Variants in TFDP2 observed in about 807,000 individuals in gnomAD.
TFDP2 encodes transcription factor Dp-2 (E2F dimerization partner 2).
In TFDP2, 17 loss-of-function variants were observed where a neutral mutation model predicts 59.3. That is an observed-to-expected ratio of 0.29 (90% CI 0.20 to 0.43). TFDP2 has a LOEUF of 0.43. Among genes scored for constraint, TFDP2 ranks in the 20% least tolerant of loss-of-function variants. TFDP2 has a pLI of 1.00. For synonymous variants in TFDP2, 180 were observed against 194.7 expected (o/e 0.92, Z 0.63); for missense variants, 391 against 528.8 (o/e 0.74, Z 2.56).
chr3:141,982,217 G>T (rs189095657), intron 6 of TFDP2, among the ~76,000 whole-genome samples: 37 of 151,760 alleles, frequency 2.4e-4, no homozygotes, highest in African/African-American at 8.7e-4. Context: ...TGGATATATT[G>T]GACTAAATTA....
In TFDP2 at chr3:142,030,843, C is replaced by T. The variant is rs371049928; in HGVS notation, c.83-25299G>A. ...CTGCAAGCTCCGCCTCCCGGGTTCA[C>T]GCCATTCTCCTGCCTCAGCCTCCCA... On this transcript the variant is annotated intron_variant, in intron 3 of 12. Coordinates refer to ENST00000489671, the MANE Select transcript of TFDP2 (RefSeq NM_001178139.2). 3.4e-5 allele frequency among the ~76,000 whole-genome samples: 5 copies of T among 148,096 alleles called. No individual in the cohort carries two copies. In the East Asian group the frequency reaches 8.1e-4, roughly 24 times the overall value.
At chr3:142,074,845 T>C (rs1354439263) in intron 3 of TFDP2, among the ~76,000 whole-genome samples, 1 of 152,000 alleles carries the variant, frequency 6.6e-6, no homozygotes, top group East Asian at 1.9e-4. Context: ...GAGTGAGACT[T>C]TGTCTCAAAA....
chr3:142,007,364 T>C (rs1944301890), intron 3 of TFDP2, among the ~76,000 whole-genome samples: 1 of 152,158 alleles, frequency 6.6e-6, no homozygotes, highest in East Asian at 1.9e-4. Flanking sequence ...ATCCACCCAG[T>C]GATCTAATCT....
Position 141,984,239 on chromosome 3 carries a change from C to T in TFDP2, c.357-5557G>A, listed in dbSNP as rs146374340. 3.0e-3 allele frequency among the ~76,000 whole-genome samples: 463 copies of T among 152,274 alleles called. 1 individual carries two copies. The highest frequency in any genetic ancestry group is 0.011 in the African/African-American group (440 of 41,564). ...ATATTGGGTTGGGTGTGGTGGCTCA[C>T]ACCTGTAATCCCAGCACTTTGGGAG... On this transcript the variant is annotated intron_variant, in intron 6 of 12. Coordinates refer to ENST00000489671, the MANE Select transcript of TFDP2 (RefSeq NM_001178139.2).
intron 1 of TFDP2, among the ~76,000 whole-genome samples, chr3:142,115,826 G>A (rs1435332811): frequency 6.6e-6 from 1 of 152,040 alleles, no homozygotes; most frequent in Non-Finnish European, 1.5e-5. Context: ...TGATTGTGGT[G>A]GTGGCTATAC....
At chr3:141,993,638 AT>A in intron 5 of TFDP2, 53 bp from the exon 6 acceptor site, 2 of 1,064,134 alleles carry the variant, frequency 1.9e-6, no homozygotes, top group Non-Finnish European at 2.8e-6. Flanking sequence ...ATACAATTTA[AT>A]TTCATTAATA....
chr3:141,971,070 A>C (rs994197498), intron 8 of TFDP2, among the ~76,000 whole-genome samples: 14 of 151,942 alleles, frequency 9.2e-5, no homozygotes, highest in Admixed American at 2.0e-4. Flanking sequence ...AAAGAAAAAA[A>C]AAAAAAGAAA....
chr3:142,141,512 A>G (rs1182460789), intron 1 of TFDP2, among the ~76,000 whole-genome samples: 2 of 152,176 alleles, frequency 1.3e-5, no homozygotes, highest in Non-Finnish European at 2.9e-5. Flanking sequence ...ACGAAGATCT[A>G]TTTAATTTCT....
At chr3:142,051,316 A>C (rs1947615072) in intron 3 of TFDP2, among the ~76,000 whole-genome samples, 1 of 152,186 alleles carries the variant, frequency 6.6e-6, no homozygotes, top group South Asian at 2.1e-4. Context: ...AGATGGGTGG[A>C]TTACTTGAGA....
intron 3 of TFDP2, among the ~76,000 whole-genome samples, chr3:142,059,959 T>C (rs2059863619): frequency 6.6e-6 from 1 of 152,168 alleles, no homozygotes; most frequent in Non-Finnish European, 1.5e-5. Flanking sequence ...CTAGTTCTCT[T>C]TGTTCATAAG....
In TFDP2 at chr3:141,969,052, A is replaced by T. The variant is rs1429215731; in HGVS notation, c.732+1021T>A. ...ATATCTCATATATAGATATATATAT[A>T]ACATATATATCTCATATATATGAGA... is the stretch of plus-strand genomic sequence containing the variant. On this transcript the variant is annotated intron_variant, in intron 9 of 12. Transcript: ENST00000489671. 4.6e-5 allele frequency among the ~76,000 whole-genome samples: 4 copies of T among 87,186 alleles called. No homozygotes were observed. The East Asian group carries it at 1.2e-3, about 26-fold the overall frequency. The allele number at this position is 87,186 out of a possible 152,430, so 57.2% of individuals were successfully genotyped here. A position where few individuals can be genotyped will look rare whatever the true frequency, so the allele number is the denominator to read the frequency against.
intron 4 of TFDP2, among the ~76,000 whole-genome samples, chr3:141,997,165 C>A (rs567712866): frequency 1.8e-3 from 270 of 152,206 alleles, no homozygotes; most frequent in African/African-American, 6.3e-3. Flanking sequence ...GGGTTTAACA[C>A]AGTGGTAGGG....
chr3:141,968,432 A>AT lies in TFDP2; in HGVS notation c.732+1640_732+1641insA, dbSNP rs1491233373. 6.0e-4 allele frequency among the ~76,000 whole-genome samples: 42 copies of AT among 70,220 alleles called. 4 individuals are homozygous for AT. The highest frequency in any genetic ancestry group is 9.7e-4 in the African/African-American group (17 of 17,450). The allele number at this position is 70,220 out of a possible 152,430, so 46.1% of individuals were successfully genotyped here. The stretch of plus-strand genomic sequence containing the variant: ...TATATAACATATATATCTCATATAT[A>AT]GATATATATAACATATATATCTCAT... On this transcript the variant is annotated intron_variant, in intron 9 of 12. Coordinates refer to ENST00000489671, the MANE Select transcript of TFDP2 (RefSeq NM_001178139.2).
chr3:141,982,433 T>A (rs1205960560), intron 6 of TFDP2, among the ~76,000 whole-genome samples: 2 of 151,790 alleles, frequency 1.3e-5, no homozygotes, highest in Non-Finnish European at 2.9e-5. Context: ...CCTACTCAAG[T>A]AGGGGGTAAA....
intron 6 of TFDP2, among the ~76,000 whole-genome samples, chr3:141,990,267 T>C (rs1263345010): frequency 1.3e-5 from 2 of 151,898 alleles, no homozygotes; most frequent in Non-Finnish European, 2.9e-5. Flanking sequence ...GGAGTAAACA[T>C]GAGACGGAGT....
At chr3:141,995,242 GC>G in intron 4 of TFDP2, 101 bp from the exon 5 acceptor site, 1 of 1,016,716 alleles carries the variant, frequency 9.8e-7, no homozygotes, top group Non-Finnish European at 1.3e-6. Context: ...AGGAAACCTT[GC>G]TGCCTAAAAG....
chr3:141,982,353 C>T (rs1941582986), intron 6 of TFDP2, among the ~76,000 whole-genome samples: 2 of 151,972 alleles, frequency 1.3e-5, no homozygotes, highest in South Asian at 4.2e-4. Context: ...AAATAAATTT[C>T]TCAACTTAGT....
chr3:142,094,600 C>T (rs1043843921), intron 2 of TFDP2, among the ~76,000 whole-genome samples: 1 of 152,048 alleles, frequency 6.6e-6, no homozygotes, highest in Non-Finnish European at 1.5e-5. Context: ...TCACCACGCC[C>T]AGCCCTCAAA....
intron 3 of TFDP2, among the ~76,000 whole-genome samples, chr3:142,026,086 C>T (rs993168571): frequency 2.6e-5 from 4 of 152,160 alleles, no homozygotes; most frequent in East Asian, 1.9e-4. Flanking sequence ...CCGAGGTAGG[C>T]GGATCTCAAG....
Sources: gnomAD v4.1 joint callset for allele counts (sites outside exome capture counted in the v4.1 genomes callset) on GRCh38, gnomAD v4.1.1 for gene constraint, MANE v1.5 for transcripts, NCBI Gene and HGNC (gene_info 2026-07-23, HGNC 2026-07-21) for gene names.